The following PPIC variants were observed in gnomAD, a reference collection of about 807,000 sequenced individuals.
PPIC encodes the protein peptidylprolyl isomerase C, also known as peptidyl-prolyl cis-trans isomerase C.
PPIC carries 19 observed loss-of-function variants against 19.5 expected under a neutral mutation model. That is an observed-to-expected ratio of 0.98 (90% CI 0.68 to 1.43). The LOEUF is 1.43. Among genes scored for constraint, PPIC ranks in the 40% most tolerant of loss-of-function variants. The probability of loss-of-function intolerance (pLI) is 0.00; values close to 1 mark genes in which losing one functional copy is unlikely to be tolerated. For synonymous variants in PPIC, 107 were observed against 101.2 expected (o/e 1.06, Z -0.34); for missense variants, 268 against 268.6 (o/e 1.00, Z 0.02).
intron 1 of PPIC, among the ~76,000 whole-genome samples, chr5:123,034,960 C>G (rs1445123252): frequency 6.6e-6 from 1 of 152,196 alleles, no homozygotes; most frequent in South Asian, 2.1e-4. Context: ...ATGCTTAAAA[C>G]CCTTCAGTGG....
Position 123,029,436 on chromosome 5 carries a change from G to A in PPIC, c.118-18C>T. 1.9e-6 allele frequency: 3 copies of A among 1,560,520 alleles called. No homozygotes were observed. Among genetic ancestry groups the A allele is most frequent in the Non-Finnish European group, 2.6e-6 (3 of 1,153,810 alleles). ...AAGAAGACCTGTGTGCAGTTGAAAG[G>A]CAAAGTGGAAGGTTATAAGGTGGAA... is the stretch of plus-strand genomic sequence containing the variant. On this transcript the variant is annotated intron_variant, in intron 1 of 4. Coordinates refer to ENST00000306442, the MANE Select transcript of PPIC (RefSeq NM_000943.5).
rs773466462 is a variant in PPIC, at chr5:123,036,616, C to A, written c.10G>T (p.Gly4Cys). 5 of 1,588,184 alleles carry A rather than the reference C, an allele frequency of 3.1e-6. No individual in the cohort carries two copies. In the South Asian group the frequency reaches 5.7e-5, roughly 18 times the overall value. ...ACGAGAGGTAGCAGCAGCCGAGGAC[C>A]CGGGCCCATGGTGAGCGGTGGCAGC... MGP[G>C]PRLLLPLVLC... Residue 4 changes from glycine (G) to cysteine (C), a missense_variant, in exon 1 of 5, where the codon GGT becomes TGT. By Grantham distance (159) the Gly-to-Cys change is radical (BLOSUM62 -3). Transcript: ENST00000306442. This position sits in a 1 kb window ranked among gnomAD's most constrained non-coding sequence, Gnocchi z 4.5.
intron 1 of PPIC, among the ~76,000 whole-genome samples, chr5:123,034,805 C>T (rs1028809339): frequency 4.6e-5 from 7 of 152,160 alleles, no homozygotes; most frequent in Admixed American, 6.6e-5. Context: ...TCAAGTCCTT[C>T]CCTTGCTCCC....
At position 123,023,780 on chromosome 5, in the gene PPIC, A is replaced by G; in HGVS notation, c.*95T>C. ...AGAATACAAAAAGAAAGTAAAAAAA[A>G]AAAAGCAAATAATTGAAAGACAACA... On this transcript the variant is annotated 3_prime_UTR_variant, in exon 5 of 5. Transcript: ENST00000306442. The G allele has an allele frequency of 7.1e-7, 1 of 1,405,172 alleles. No individual in the cohort carries two copies. The highest frequency in any genetic ancestry group is 9.3e-7 in the Non-Finnish European group (1 of 1,069,926). The allele number at this position is 1,405,172 out of a possible 1,614,324, so 87.0% of individuals were successfully genotyped here.
At chr5:123,031,872 C>T (rs1189631519) in intron 1 of PPIC, among the ~76,000 whole-genome samples, 1 of 152,220 alleles carries the variant, frequency 6.6e-6, no homozygotes, top group Non-Finnish European at 1.5e-5. Context: ...TCTTGGCTCA[C>T]TGCAACCCCT....
At chr5:123,025,250 C>T (rs1443079986) in intron 4 of PPIC, among the ~76,000 whole-genome samples, 1 of 152,150 alleles carries the variant, frequency 6.6e-6, no homozygotes, top group Non-Finnish European at 1.5e-5. Flanking sequence ...AACCAATAGC[C>T]AGAATTTTTC....
chr5:123,026,221 T>C (rs1374577533), intron 3 of PPIC, among the ~76,000 whole-genome samples: 1 of 152,154 alleles, frequency 6.6e-6, no homozygotes, highest in Non-Finnish European at 1.5e-5. Context: ...TCTGGCCTCA[T>C]ACCAAGGGCC....
chr5:123,031,367 C>T (rs1762939100), intron 1 of PPIC, among the ~76,000 whole-genome samples: 1 of 152,138 alleles, frequency 6.6e-6, no homozygotes, highest in Non-Finnish European at 1.5e-5. Context: ...AACGGTGAGG[C>T]TAAGGAGGAA....
At chr5:123,035,950 C>T (rs1299392510) in intron 1 of PPIC, among the ~76,000 whole-genome samples, 1 of 152,108 alleles carries the variant, frequency 6.6e-6, no homozygotes, top group East Asian at 1.9e-4. Flanking sequence ...CTCCCCTTCC[C>T]GGGAAGGACG....
Position 123,036,286 on chromosome 5 carries a change from G to A in PPIC, c.117+223C>T. 1 of 565,696 alleles carries A rather than the reference G, an allele frequency of 1.8e-6. No individual in the cohort carries two copies. The highest frequency in any genetic ancestry group is 3.1e-6 in the Non-Finnish European group (1 of 318,206). 35.0% of individuals were successfully genotyped at this position (565,696 alleles called of 1,614,324 possible). On this transcript the variant is annotated intron_variant, in intron 1 of 4. Coordinates refer to ENST00000306442, the MANE Select transcript of PPIC (RefSeq NM_000943.5). The surrounding 1 kb of genome is among the most constrained non-coding windows in gnomAD (Gnocchi z 4.5). ...CAAGAAGTCCAAGCAGACTGCGGCG[G>A]AGGTAGGCTGGCCTCAGCCCAGCTC...
intron 1 of PPIC, among the ~76,000 whole-genome samples, chr5:123,032,485 G>A (rs1762956571): frequency 6.6e-6 from 1 of 152,142 alleles, no homozygotes; most frequent in Non-Finnish European, 1.5e-5. Flanking sequence ...GTCAAGAAAT[G>A]TTAAAAGATT....
intron 4 of PPIC, 138 bp downstream of exon 4, chr5:123,025,646 T>A: frequency 1.2e-6 from 1 of 847,792 alleles, no homozygotes; most frequent in East Asian, 2.8e-5. Context: ...ATACCATATA[T>A]AATTTATTCA....
intron 1 of PPIC, among the ~76,000 whole-genome samples, chr5:123,035,303 T>A (rs1459727883): frequency 6.6e-6 from 1 of 152,240 alleles, no homozygotes; most frequent in African/African-American, 2.4e-5. Context: ...GTGCGAATTT[T>A]ATGTTTATGG....
chr5:123,031,554 G>T (rs1034692169), intron 1 of PPIC, among the ~76,000 whole-genome samples: 4 of 152,144 alleles, frequency 2.6e-5, no homozygotes, highest in Admixed American at 2.0e-4. Flanking sequence ...AGTGGGTGGG[G>T]GGCCAGGAAA....
chr5:123,034,050 G>A (rs902655207), intron 1 of PPIC, among the ~76,000 whole-genome samples: 3 of 152,168 alleles, frequency 2.0e-5, no homozygotes, highest in South Asian at 2.1e-4. Context: ...GGGCCATGTG[G>A]GCAGAATAGC....
In PPIC at chr5:123,023,837, C is replaced by CACA. The variant is rs397999141; in HGVS notation, c.*37_*38insTGT. 1.0e-5 allele frequency: 16 copies of CACA among 1,592,178 alleles called. No individual in the cohort carries two copies. Among genetic ancestry groups the CACA allele is most frequent in the South Asian group, 5.6e-5 (5 of 89,064 alleles). On this transcript the variant is annotated 3_prime_UTR_variant, in exon 5 of 5. Coordinates refer to ENST00000306442, the MANE Select transcript of PPIC (RefSeq NM_000943.5). ...ACACACACACACACACACACACACA[C>CACA]CCCTGCCAAAGCATATCCTTGTTTT... is the stretch of plus-strand genomic sequence containing the variant.
intron 1 of PPIC, among the ~76,000 whole-genome samples, chr5:123,032,611 A>T (rs1762957901): frequency 6.6e-6 from 1 of 152,168 alleles, no homozygotes; most frequent in South Asian, 2.1e-4. Flanking sequence ...TTCATCTCTG[A>T]TGTTGCTGAG....
intron 3 of PPIC, 121 bp downstream of exon 3, chr5:123,028,654 G>A (rs1205095442): frequency 1.1e-5 from 8 of 708,754 alleles, no homozygotes; most frequent in Non-Finnish European, 1.8e-5. Flanking sequence ...TTCTCAAAGA[G>A]GTACAGTCGT....
At chr5:123,034,199 G>C (rs1205239790) in intron 1 of PPIC, among the ~76,000 whole-genome samples, 1 of 152,162 alleles carries the variant, frequency 6.6e-6, no homozygotes, top group Non-Finnish European at 1.5e-5. Context: ...TATTTTTAAC[G>C]TCATTTTCCA....
Sources: gnomAD v4.1 joint callset for allele counts (sites outside exome capture counted in the v4.1 genomes callset) on GRCh38, gnomAD v4.1.1 for gene constraint, Gnocchi (gnomAD v3.1) non-coding constraint, MANE v1.5 for transcripts, NCBI Gene and HGNC (gene_info 2026-07-23, HGNC 2026-07-21) for gene names.